The following HECW2 variants were observed in gnomAD, a reference collection of about 807,000 sequenced individuals.
HECW2 encodes the protein HECT, C2 and WW domain containing E3 ubiquitin protein ligase 2.
HECW2 carries 61 observed loss-of-function variants against 175.2 expected under a neutral mutation model. That is an observed-to-expected ratio of 0.35 (90% CI 0.28 to 0.43). The LOEUF is 0.43. Among genes scored for constraint, HECW2 ranks in the 20% least tolerant of loss-of-function variants. HECW2 has a pLI of 1.00. For missense variants in HECW2, 1,524 were observed against 2,000.5 expected, an observed-to-expected ratio of 0.76 and a Z score of 4.54; for synonymous variants, 671 against 731.0, an observed-to-expected ratio of 0.92 and a Z score of 1.32.
intron 28 of HECW2, among the ~76,000 whole-genome samples, chr2:196,211,166 C>T (rs1333109218): frequency 6.6e-6 from 1 of 151,508 alleles, no homozygotes; most frequent in East Asian, 1.9e-4. Context: ...GATTGCAGCT[C>T]TCAGGTCCTC....
At chr2:196,566,489 T>C (rs1690192401) in intron 1 of HECW2, among the ~76,000 whole-genome samples, 1 of 151,824 alleles carries the variant, frequency 6.6e-6, no homozygotes, top group Non-Finnish European at 1.5e-5. Context: ...AAAACTAACA[T>C]TTATTGAGCA....
At chr2:196,345,483 A>G (rs953300758) in intron 2 of HECW2, among the ~76,000 whole-genome samples, 1 of 152,242 alleles carries the variant, frequency 6.6e-6, no homozygotes, top group Non-Finnish European at 1.5e-5. Flanking sequence ...TTTTCCTAAT[A>G]AGAAAAGGAC....
intron 1 of HECW2, among the ~76,000 whole-genome samples, chr2:196,568,626 T>C (rs1468796390): frequency 1.3e-5 from 2 of 152,196 alleles, no homozygotes; most frequent in Non-Finnish European, 2.9e-5. Flanking sequence ...GAAACCGTAC[T>C]TTAGATTCTG....
At chr2:196,401,670 A>C (rs905162638) in intron 2 of HECW2, among the ~76,000 whole-genome samples, 8 of 152,216 alleles carry the variant, frequency 5.3e-5, no homozygotes, top group African/African-American at 1.9e-4. Context: ...ATACACAGTC[A>C]GGGTATATAT....
At chr2:196,392,371 T>C (rs1271831168) in intron 2 of HECW2, among the ~76,000 whole-genome samples, 1 of 152,228 alleles carries the variant, frequency 6.6e-6, no homozygotes, top group African/African-American at 2.4e-5. Flanking sequence ...CTACTTTCGG[T>C]GCCAGGGCTG....
At chr2:196,287,696 T>A (rs141110550) in intron 14 of HECW2, among the ~76,000 whole-genome samples, 1 of 152,224 alleles carries the variant, frequency 6.6e-6, no homozygotes, top group African/African-American at 2.4e-5. Context: ...ATCCACTGAT[T>A]TCATGTAATT....
chr2:196,462,921 C>T lies in HECW2; in HGVS notation c.-35-29463G>A, dbSNP rs577723182. ...CTCACTTATTCATTATCCCCTGGTC[C>T]GGGGAGACTCCAATACAAGAGAGAA... On this transcript the variant is annotated intron_variant, in intron 1 of 28. Coordinates refer to ENST00000644978, the MANE Select transcript of HECW2 (RefSeq NM_001348768.2). Among the ~76,000 whole-genome samples the T allele has an allele frequency of 2.3e-3, 354 of 152,240 alleles. 1 individual carries two copies. The highest frequency in any genetic ancestry group is 3.9e-3 in the Non-Finnish European group (264 of 68,004).
intron 1 of HECW2, among the ~76,000 whole-genome samples, chr2:196,529,200 G>T (rs994474712): frequency 1.1e-4 from 17 of 152,134 alleles, no homozygotes; most frequent in Non-Finnish European, 2.5e-4. Context: ...TGGCTCTTGT[G>T]TACCTCCCCA....
intron 23 of HECW2, 98 bp downstream of exon 23, chr2:196,225,674 G>T: frequency 1.4e-6 from 1 of 735,488 alleles, no homozygotes; most frequent in Non-Finnish European, 2.4e-6. Context: ...ATTTGAGATT[G>T]TGAACAGATA....
intron 2 of HECW2, among the ~76,000 whole-genome samples, chr2:196,356,740 G>T (rs1487083279): frequency 6.6e-6 from 1 of 152,158 alleles, no homozygotes; most frequent in Non-Finnish European, 1.5e-5. Context: ...CCTAACTTTT[G>T]TTATAATATA....
intron 2 of HECW2, among the ~76,000 whole-genome samples, chr2:196,414,502 G>T (rs1441831311): frequency 6.6e-6 from 1 of 152,214 alleles, no homozygotes; most frequent in Non-Finnish European, 1.5e-5. Flanking sequence ...CGAACATTCT[G>T]TGAGTGTGGA....
chr2:196,212,818 T>C (rs1053244238), intron 28 of HECW2, among the ~76,000 whole-genome samples: 12 of 152,338 alleles, frequency 7.9e-5, no homozygotes, highest in African/African-American at 2.9e-4. Context: ...ACCAATAGTG[T>C]ATAAGCATTC....
chr2:196,326,476 G>T (rs1037243025), intron 5 of HECW2, among the ~76,000 whole-genome samples: 3 of 149,848 alleles, frequency 2.0e-5, no homozygotes, highest in African/African-American at 7.4e-5. Context: ...ACAGAGTCTC[G>T]TTGTGTCGCC....
In HECW2 at chr2:196,566,653, C is replaced by T. The variant is rs1690199019; in HGVS notation, c.-36+26855G>A. ...GGTCAAGTGATTCTCCTGCCTCAGC[C>T]TCCTGAGTAGCCAGGACTACAGGTG... On this transcript the variant is annotated intron_variant, in intron 1 of 28. Transcript: ENST00000644978. Among the ~76,000 whole-genome samples the T allele has an allele frequency of 4.0e-5, 6 of 150,968 alleles. No homozygotes were observed. The South Asian group carries it at 1.3e-3, about 32-fold the overall frequency.
At chr2:196,507,160 C>T (rs1293717270) in intron 1 of HECW2, among the ~76,000 whole-genome samples, 1 of 110,792 alleles carries the variant, frequency 9.0e-6, no homozygotes, top group Non-Finnish European at 1.9e-5. Context: ...ATATTATACA[C>T]ACACTATGTG....
At chr2:196,392,643 G>A (rs1462682025) in intron 2 of HECW2, among the ~76,000 whole-genome samples, 1 of 152,048 alleles carries the variant, frequency 6.6e-6, no homozygotes, top group East Asian at 1.9e-4. Flanking sequence ...ATACAAAAAT[G>A]CCAAATGCCA....
At chr2:196,332,675 A>C (rs1692410374) in intron 4 of HECW2, among the ~76,000 whole-genome samples, 1 of 152,258 alleles carries the variant, frequency 6.6e-6, no homozygotes, top group African/African-American at 2.4e-5. Flanking sequence ...CAAGTCTAAA[A>C]AAATCTAAAT....
chr2:196,534,878 T>G (rs1225403266), intron 1 of HECW2, among the ~76,000 whole-genome samples: 1 of 152,060 alleles, frequency 6.6e-6, no homozygotes, highest in East Asian at 1.9e-4. Flanking sequence ...GATACCAAAA[T>G]CAAATCCTAT....
intron 1 of HECW2, among the ~76,000 whole-genome samples, chr2:196,517,382 G>A (rs1035594210): frequency 5.9e-5 from 9 of 152,180 alleles, no homozygotes; most frequent in Admixed American, 1.3e-4. Flanking sequence ...ATACAATAAT[G>A]CCATGGTCAC....
Sources: gnomAD v4.1 joint callset for allele counts (sites outside exome capture counted in the v4.1 genomes callset) on GRCh38, gnomAD v4.1.1 for gene constraint, MANE v1.5 for transcripts, NCBI Gene and HGNC (gene_info 2026-07-23, HGNC 2026-07-21) for gene names.